The following RCOR3 variants were observed in gnomAD, a reference collection of about 807,000 sequenced individuals.
The protein encoded by RCOR3 is REST corepressor 3.
A neutral mutation model predicts 64.1 loss-of-function variants in RCOR3; 13 were observed. The ratio of observed to expected loss-of-function variants is 0.20; its 90% CI spans 0.13 to 0.32. The LOEUF (loss-of-function observed/expected upper bound fraction) is 0.32, where lower values mean the gene tolerates loss of function less well. Among genes scored for constraint, RCOR3 ranks in the 10% least tolerant of loss-of-function variants. RCOR3 has a pLI of 1.00. For synonymous variants in RCOR3, 215 were observed against 239.0 expected (o/e 0.90, Z 0.93); for missense variants, 489 against 701.2 (o/e 0.70, Z 3.42).
At chr1:211,268,971 T>A (rs1398488400) in intron 2 of RCOR3, among the ~76,000 whole-genome samples, 1 of 152,206 alleles carries the variant, frequency 6.6e-6, no homozygotes, top group Non-Finnish European at 1.5e-5. Context: ...AAATATTTAA[T>A]GATATTATAT....
chr1:211,269,577 A>G (rs1695803175), intron 2 of RCOR3, among the ~76,000 whole-genome samples: 1 of 152,160 alleles, frequency 6.6e-6, no homozygotes, highest in Admixed American at 6.5e-5. Context: ...AGCCTGGGCA[A>G]CAAGAGTGAA....
In RCOR3 at chr1:211,259,416, T is replaced by G. The variant is rs1167966523; in HGVS notation, c.-145T>G. 5.6e-6 allele frequency: 4 copies of G among 711,374 alleles called. No individual in the cohort carries two copies. The highest frequency in any genetic ancestry group is 8.8e-6 in the Non-Finnish European group (4 of 456,502). The allele number at this position is 711,374 out of a possible 1,614,324, so 44.1% of individuals were successfully genotyped here. A position where few individuals can be genotyped will look rare whatever the true frequency, so the allele number is the denominator to read the frequency against. ...GCCGGAGCGGGGCGGTTATGGCGGCTCCATATTAACAGCCTCCTCCTCCTC... is the reference window on the plus strand; with the variant it reads ...GCCGGAGCGGGGCGGTTATGGCGGCGCCATATTAACAGCCTCCTCCTCCTC... On this transcript the variant is annotated 5_prime_UTR_variant, in exon 1 of 12. Transcript: ENST00000419091.
intron 8 of RCOR3, among the ~76,000 whole-genome samples, chr1:211,295,101 G>A (rs1175753474): frequency 1.4e-5 from 2 of 147,292 alleles, no homozygotes; most frequent in African/African-American, 5.1e-5. Context: ...TTACCAGGGT[G>A]GTCTCAGACT....
At chr1:211,274,443 T>C (rs1045540113) in intron 4 of RCOR3, among the ~76,000 whole-genome samples, 181 bp downstream of exon 4, 4 of 152,124 alleles carry the variant, frequency 2.6e-5, no homozygotes, top group Non-Finnish European at 5.9e-5. Context: ...ATAAACATTA[T>C]TCATCTCAAG....
chr1:211,264,203 G>A (rs1433552938), intron 2 of RCOR3, among the ~76,000 whole-genome samples: 1 of 152,100 alleles, frequency 6.6e-6, no homozygotes, highest in African/African-American at 2.4e-5. Flanking sequence ...TGTTTCCTAA[G>A]CCACTCAATC....
intron 7 of RCOR3, among the ~76,000 whole-genome samples, chr1:211,288,793 A>G (rs1360713195): frequency 6.6e-6 from 1 of 151,788 alleles, no homozygotes; most frequent in Admixed American, 6.6e-5. Context: ...TTTTCTTTCT[A>G]ATTTTTATTT....
chr1:211,262,033 C>CTTTTTT (rs1196587722), intron 2 of RCOR3, among the ~76,000 whole-genome samples: 5,388 of 65,492 alleles, frequency 0.082, 1,030 homozygotes, highest in Non-Finnish European at 0.096. Flanking sequence ...GCTATAAAAA[C>CTTTTTT]TTTTTTTTTT....
chr1:211,295,802 T>A (rs766455501), intron 9 of RCOR3, 49 bp downstream of exon 9: 34 of 1,504,878 alleles, frequency 2.3e-5, no homozygotes, highest in Non-Finnish European at 3.0e-5. Flanking sequence ...AAACTTGTTT[T>A]TTCAGTTATC....
At chr1:211,308,607 C>T (rs922447790) in intron 10 of RCOR3, among the ~76,000 whole-genome samples, 1 of 150,028 alleles carries the variant, frequency 6.7e-6, no homozygotes, top group South Asian at 2.1e-4. Flanking sequence ...GAAAAAAAAT[C>T]CTCTGAAATT....
In RCOR3 at chr1:211,316,083, A is replaced by G. The variant is rs1218189876; in HGVS notation, c.*2315A>G. ...GAATTTAGTACCTCTTCACTGTGAA[A>G]TTCGAAATAATGATTTTTATAAAAG... On this transcript the variant is annotated 3_prime_UTR_variant, in exon 12 of 12. Transcript: ENST00000419091. The G allele has an allele frequency of 2.0e-5, 3 of 152,202 alleles. No homozygotes were observed. The highest frequency in any genetic ancestry group is 4.4e-5 in the Non-Finnish European group (3 of 68,042). 9.4% of individuals were successfully genotyped at this position (152,202 alleles called of 1,614,324 possible).
chr1:211,267,248 C>T (rs1309276968), intron 2 of RCOR3, among the ~76,000 whole-genome samples: 1 of 152,192 alleles, frequency 6.6e-6, no homozygotes, highest in Non-Finnish European at 1.5e-5. Flanking sequence ...TCCAAGGTGA[C>T]ACAGCTACCA....
intron 9 of RCOR3, chr1:211,302,976 GTTTC>G (rs1241791346): frequency 1.3e-5 from 2 of 151,888 alleles, no homozygotes; most frequent in East Asian, 3.9e-4. Context: ...TTTTATTACT[GTTTC>G]TTTATGTCTC....
chr1:211,271,717 T>C (rs1360560818), intron 3 of RCOR3: 1 of 320,988 alleles, frequency 3.1e-6, no homozygotes, highest in African/African-American at 2.1e-5. Flanking sequence ...AAGAACTGAC[T>C]TCAGCAGCCA....
chr1:211,312,404 A>G lies in RCOR3; in HGVS notation c.1076-316A>G, dbSNP rs1701588937. The G allele has an allele frequency of 4.0e-6, 2 of 497,058 alleles. No individual in the cohort carries two copies. Among genetic ancestry groups the G allele is most frequent in the Non-Finnish European group, 7.9e-6 (2 of 254,058 alleles). The allele number at this position is 497,058 out of a possible 1,614,324, so 30.8% of individuals were successfully genotyped here. On this transcript the variant is annotated intron_variant, in intron 10 of 11. Transcript: ENST00000419091. The surrounding 1 kb of genome is among the most constrained non-coding windows in gnomAD (Gnocchi z 5.0). ...TGAATGTGGAATTGAGGATGGAACA[A>G]AGAATTCAATGCTTTACAATAAATG... is the stretch of plus-strand genomic sequence containing the variant.
chr1:211,264,200 T>A (rs184004732), intron 2 of RCOR3, among the ~76,000 whole-genome samples: 1 of 152,316 alleles, frequency 6.6e-6, no homozygotes, highest in East Asian at 1.9e-4. Context: ...CTTTGTTTCC[T>A]AAGCCACTCA....
At chr1:211,301,260 C>T (rs551430270) in intron 9 of RCOR3, among the ~76,000 whole-genome samples, 1 of 152,108 alleles carries the variant, frequency 6.6e-6, no homozygotes, top group South Asian at 2.1e-4. Context: ...ATGTCGAATA[C>T]CTCATTCTCA....
intron 6 of RCOR3, 49 bp from the exon 7 acceptor site, chr1:211,279,186 TTAA>T: frequency 9.3e-7 from 1 of 1,075,490 alleles, no homozygotes; most frequent in Non-Finnish European, 1.3e-6. Context: ...AAACGCTGTC[TTAA>T]AAAAAAAAAA....
intron 9 of RCOR3, chr1:211,302,413 A>G (rs1700469640): frequency 6.6e-6 from 1 of 152,246 alleles, no homozygotes; most frequent in Admixed American, 6.5e-5. Flanking sequence ...GCACTTCACA[A>G]AAGAATAATT....
At chr1:211,290,537 A>AT (rs1056565702) in intron 8 of RCOR3, among the ~76,000 whole-genome samples, 3 of 150,480 alleles carry the variant, frequency 2.0e-5, no homozygotes, top group South Asian at 2.1e-4. Flanking sequence ...TTTTCTCCTC[A>AT]TTTTTTTTAT....
Sources: allele counts gnomAD v4.1 joint callset (sites outside exome capture counted in the v4.1 genomes callset), GRCh38; gene constraint gnomAD v4.1.1; non-coding constraint Gnocchi (gnomAD v3.1); transcripts MANE v1.5; gene names NCBI Gene and HGNC (gene_info 2026-07-23, HGNC 2026-07-21).